The following LPCAT1 variants were observed in gnomAD, a reference collection of about 807,000 sequenced individuals.
LPCAT1 encodes lysophosphatidylcholine acyltransferase 1.
LPCAT1 carries 23 observed loss-of-function variants against 60.9 expected under a neutral mutation model. The observed-to-expected ratio is 0.38, with a 90% CI of 0.27 to 0.53. LPCAT1 has a LOEUF of 0.53. Ranked by LOEUF, LPCAT1 falls within the 20% of genes least tolerant of loss-of-function variation. The probability of loss-of-function intolerance (pLI) is 0.82; values close to 1 mark genes in which losing one functional copy is unlikely to be tolerated. For synonymous variants in LPCAT1, 340 were observed against 301.1 expected (o/e 1.13, Z -1.34); for missense variants, 622 against 723.6 (o/e 0.86, Z 1.61).
At chr5:1,485,473 G>T (rs1013729850) in intron 5 of LPCAT1, among the ~76,000 whole-genome samples, 2 of 152,170 alleles carry the variant, frequency 1.3e-5, no homozygotes, top group Admixed American at 6.5e-5. Context: ...AGGAGGTACG[G>T]GCTTCTAAAC....
Position 1,523,585 on chromosome 5 carries a change from C to G in LPCAT1, c.135+125G>C, listed in dbSNP as rs1253559991. 12 of 621,084 alleles carry G rather than the reference C, an allele frequency of 1.9e-5. No homozygotes were observed. Among genetic ancestry groups the G allele is most frequent in the Non-Finnish European group, 2.4e-5 (12 of 493,860 alleles). The allele number at this position is 621,084 out of a possible 1,614,324, so 38.5% of individuals were successfully genotyped here. A position where few individuals can be genotyped will look rare whatever the true frequency, so the allele number is the denominator to read the frequency against. On this transcript the variant is annotated intron_variant, in intron 1 of 13. Coordinates refer to ENST00000283415, the MANE Select transcript of LPCAT1 (RefSeq NM_024830.5). The surrounding 1 kb of genome is among the most constrained non-coding windows in gnomAD (Gnocchi z 7.1). ...GGGCGGCCGCGGGGAGGGAAGGCGCCGCGGCTCGCAGGGCCGCGCCGCGCC... is the reference window on the plus strand; with the variant it reads ...GGGCGGCCGCGGGGAGGGAAGGCGCGGCGGCTCGCAGGGCCGCGCCGCGCC...
chr5:1,471,324 C>T (rs1734659852), intron 11 of LPCAT1, among the ~76,000 whole-genome samples: 1 of 152,224 alleles, frequency 6.6e-6, no homozygotes, highest in African/African-American at 2.4e-5. Context: ...GAACCCGGAG[C>T]TGTGACGTGG....
intron 1 of LPCAT1, among the ~76,000 whole-genome samples, chr5:1,512,335 C>T (rs775967636): frequency 7.2e-5 from 11 of 152,206 alleles, no homozygotes; most frequent in Non-Finnish European, 1.3e-4. Context: ...TCTGCATCAT[C>T]ATCCCACGGA....
intron 13 of LPCAT1, 35 bp downstream of exon 13, chr5:1,466,714 G>A (rs1205923705): frequency 6.3e-7 from 1 of 1,588,594 alleles, no homozygotes; most frequent in South Asian, 1.1e-5. Flanking sequence ...CCCCGCCCAA[G>A]GGTCGCGAGG....
At position 1,487,359 on chromosome 5, in the gene LPCAT1, G is replaced by A. The variant is rs531050221; in HGVS notation, c.667+1032C>T. On this transcript the variant is annotated intron_variant, in intron 5 of 13. Coordinates refer to ENST00000283415, the MANE Select transcript of LPCAT1 (RefSeq NM_024830.5). The surrounding 1 kb of genome is among the most constrained non-coding windows in gnomAD (Gnocchi z 6.1). The stretch of plus-strand genomic sequence containing the variant: ...TCTGATCAGAATGACTCAGAACCAC[G>A]CGTGGTGAAGACAATGGAACGGGAA... Among the ~76,000 whole-genome samples the A allele has an allele frequency of 1.0e-3, 154 of 152,314 alleles. 1 individual carries two copies. Among genetic ancestry groups the A allele is most frequent in the African/African-American group, 3.5e-3 (144 of 41,574 alleles).
chr5:1,480,764 G>A lies in LPCAT1; in HGVS notation c.761+178C>T, dbSNP rs1735106810. On this transcript the variant is annotated intron_variant, in intron 7 of 13. Transcript: ENST00000283415. This position sits in a 1 kb window ranked among gnomAD's most constrained non-coding sequence, Gnocchi z 6.4. Reference sequence around the variant, plus strand: ...TGCAACTTAAGACCCCAGAATCCAGGAGTGTCAGGCCTGGGCCACATCTGT... The same window carrying A: ...TGCAACTTAAGACCCCAGAATCCAGAAGTGTCAGGCCTGGGCCACATCTGT... Among the ~76,000 whole-genome samples the A allele has an allele frequency of 6.6e-6, 1 of 152,186 alleles. No individual in the cohort carries two copies. Among genetic ancestry groups the A allele is most frequent in the Admixed American group, 6.5e-5 (1 of 15,280 alleles).
intron 7 of LPCAT1, among the ~76,000 whole-genome samples, chr5:1,479,956 T>A (rs1471074316): frequency 3.3e-5 from 5 of 151,816 alleles, no homozygotes; most frequent in African/African-American, 1.2e-4. Context: ...GGAGACCTCG[T>A]ACAGCCCACA....
At chr5:1,485,681 G>A (rs974200864) in intron 5 of LPCAT1, among the ~76,000 whole-genome samples, 2 of 152,120 alleles carry the variant, frequency 1.3e-5, no homozygotes, top group Admixed American at 6.5e-5. Context: ...AGGGAGAGCC[G>A]TGTCCACATC....
At chr5:1,501,103 G>A (rs1030733167) in intron 2 of LPCAT1, among the ~76,000 whole-genome samples, 5 of 152,230 alleles carry the variant, frequency 3.3e-5, no homozygotes, top group African/African-American at 9.7e-5. Flanking sequence ...CCAGGAGAGG[G>A]TGTCCAGAAG....
At chr5:1,484,602 G>C (rs192062324) in intron 5 of LPCAT1, among the ~76,000 whole-genome samples, 40 of 152,316 alleles carry the variant, frequency 2.6e-4, no homozygotes, top group Admixed American at 1.6e-3. Flanking sequence ...AATTCTGGGA[G>C]AATGGAGCCC....
At chr5:1,469,551 C>T (rs546874460) in intron 12 of LPCAT1, among the ~76,000 whole-genome samples, 12 of 152,230 alleles carry the variant, frequency 7.9e-5, no homozygotes, top group Admixed American at 7.2e-4. Context: ...CTGAGGTGGG[C>T]GGATCACTTG....
chr5:1,504,335 G>A (rs542739493), intron 1 of LPCAT1, among the ~76,000 whole-genome samples: 5 of 152,326 alleles, frequency 3.3e-5, no homozygotes, highest in East Asian at 1.9e-4. Flanking sequence ...CCGTAGCCTC[G>A]GCCTTCAGCC....
chr5:1,472,651 G>C (rs933955464), intron 11 of LPCAT1, among the ~76,000 whole-genome samples: 7 of 152,206 alleles, frequency 4.6e-5, no homozygotes, highest in Non-Finnish European at 7.4e-5. Flanking sequence ...TGTGAAACCA[G>C]TATTCACCAT....
At chr5:1,511,369 C>T (rs1163593880) in intron 1 of LPCAT1, among the ~76,000 whole-genome samples, 1 of 152,090 alleles carries the variant, frequency 6.6e-6, no homozygotes, top group Non-Finnish European at 1.5e-5. Flanking sequence ...GCCTCGCTCA[C>T]CCTACGTGGG....
At chr5:1,467,934 C>CCT (rs1301954562) in intron 12 of LPCAT1, among the ~76,000 whole-genome samples, 1 of 152,146 alleles carries the variant, frequency 6.6e-6, no homozygotes, top group Non-Finnish European at 1.5e-5. Context: ...GCCCTGACTC[C>CCT]GAGTCCCCTT....
rs1735121213 is a variant in LPCAT1, at chr5:1,481,057, C to T, written c.727-81G>A. 6.7e-7 allele frequency: 1 copy of T among 1,494,530 alleles called. No individual in the cohort carries two copies. The highest frequency in any genetic ancestry group is 1.7e-5 in the Admixed American group (1 of 59,792). 92.6% of individuals were successfully genotyped at this position (1,494,530 alleles called of 1,614,324 possible). On this transcript the variant is annotated intron_variant, in intron 6 of 13. Coordinates refer to ENST00000283415, the MANE Select transcript of LPCAT1 (RefSeq NM_024830.5). This position sits in a 1 kb window ranked among gnomAD's most constrained non-coding sequence, Gnocchi z 7.8. ...CAAGCACCTGCGTGTGCCGGCCTCT[C>T]CCTGCACCTCCCACCCCACAGAGGC...
At chr5:1,475,680 C>T (rs933041190) in intron 9 of LPCAT1, among the ~76,000 whole-genome samples, 1 of 152,230 alleles carries the variant, frequency 6.6e-6, no homozygotes, top group Non-Finnish European at 1.5e-5. Flanking sequence ...GAGTGGGAAA[C>T]CAGCCGGGAG....
At chr5:1,513,341 TAGAGGAGA>T (rs1428383882) in intron 1 of LPCAT1, among the ~76,000 whole-genome samples, 3 of 152,118 alleles carry the variant, frequency 2.0e-5, no homozygotes, top group Non-Finnish European at 4.4e-5. Context: ...CCCCACACTC[TAGAGGAGA>T]GATTCCACAA....
chr5:1,503,476 C>CT (rs1736089203), intron 1 of LPCAT1, among the ~76,000 whole-genome samples: 2 of 152,232 alleles, frequency 1.3e-5, no homozygotes, highest in South Asian at 4.1e-4. Context: ...AACATGATGC[C>CT]TTACGGCCAC....
Sources: gnomAD v4.1 joint callset for allele counts (sites outside exome capture counted in the v4.1 genomes callset) on GRCh38, gnomAD v4.1.1 for gene constraint, Gnocchi (gnomAD v3.1) non-coding constraint, MANE v1.5 for transcripts, NCBI Gene and HGNC (gene_info 2026-07-23, HGNC 2026-07-21) for gene names.